Variants in PTPN14 observed in about 807,000 individuals in gnomAD.
The protein encoded by PTPN14 is protein tyrosine phosphatase non-receptor type 14, also known as tyrosine-protein phosphatase non-receptor type 14.
In PTPN14, 53 loss-of-function variants were observed where a neutral mutation model predicts 126.8. That is an observed-to-expected ratio of 0.42 (90% CI 0.34 to 0.53). PTPN14 has a LOEUF of 0.53. Ranked by LOEUF, PTPN14 falls within the 20% of genes least tolerant of loss-of-function variation. PTPN14 has a pLI of 0.08. For synonymous variants in PTPN14, 630 were observed against 599.3 expected (o/e 1.05, Z -0.75); for missense variants, 1,257 against 1,552.9 (o/e 0.81, Z 3.20).
intron 1 of PTPN14, among the ~76,000 whole-genome samples, chr1:214,511,005 T>A (rs981723029): frequency 2.0e-5 from 3 of 152,032 alleles, no homozygotes; most frequent in African/African-American, 7.2e-5. Context: ...AGCTCCTGAG[T>A]ATCCGTGACT....
chr1:214,506,454 C>T (rs1654846152), intron 1 of PTPN14, among the ~76,000 whole-genome samples: 1 of 151,926 alleles, frequency 6.6e-6, no homozygotes, highest in African/African-American at 2.4e-5. Context: ...GAGTTCAGGG[C>T]TGCAGTAAGT....
chr1:214,527,593 CCTTT>C lies in PTPN14; in HGVS notation c.-155+23586_-155+23589del, dbSNP rs375241446. Among the ~76,000 whole-genome samples the C allele has an allele frequency of 4.7e-3, 720 of 152,284 alleles. 3 individuals are homozygous for C. The highest frequency in any genetic ancestry group is 0.016 in the African/African-American group (681 of 41,560). ...TTTTAATAATTTCCTATTTAGCATT[CCTTT>C]CTATTAACCAAAAACTTCTATTGAC... is the stretch of plus-strand genomic sequence containing the variant. On this transcript the variant is annotated intron_variant, in intron 1 of 18. Transcript: ENST00000366956.
chr1:214,437,709 C>T (rs991885356), intron 3 of PTPN14, among the ~76,000 whole-genome samples: 2 of 152,186 alleles, frequency 1.3e-5, no homozygotes, highest in Non-Finnish European at 2.9e-5. Flanking sequence ...AATAAGACCA[C>T]GCCATCTATT....
chr1:214,521,879 A>G (rs552332807), intron 1 of PTPN14, among the ~76,000 whole-genome samples: 1 of 151,030 alleles, frequency 6.6e-6, no homozygotes. Flanking sequence ...ACCATGTTTC[A>G]TAAGATTTTT....
intron 1 of PTPN14, chr1:214,529,543 T>C (rs1434041319): frequency 6.6e-6 from 1 of 152,228 alleles, no homozygotes. Context: ...AATTAACAGT[T>C]TTGGCTACCA....
intron 15 of PTPN14, among the ~76,000 whole-genome samples, chr1:214,375,955 G>C (rs905396314): frequency 6.6e-6 from 1 of 152,148 alleles, no homozygotes; most frequent in African/African-American, 2.4e-5. Flanking sequence ...CAGAGAGAAG[G>C]AAAAGTTAAA....
chr1:214,393,070 C>T (rs986055586), intron 10 of PTPN14, among the ~76,000 whole-genome samples: 9 of 152,180 alleles, frequency 5.9e-5, no homozygotes, highest in African/African-American at 1.7e-4. Flanking sequence ...AGCCCCAGCA[C>T]GCTCCATCTG....
Position 214,403,275 on chromosome 1 carries a change from T to C in PTPN14, c.511-322A>G, listed in dbSNP as rs575092682. Among the ~76,000 whole-genome samples, 9 of 152,344 alleles carry C rather than the reference T, an allele frequency of 5.9e-5. No individual in the cohort carries two copies. In the South Asian group the frequency reaches 1.7e-3, roughly 28 times the overall value. Reference sequence around the variant, plus strand: ...CAGATGTACGTTTATAAAAAATGCTTTGCGTGTGCTTACATATTTCTAATG... The same window carrying C: ...CAGATGTACGTTTATAAAAAATGCTCTGCGTGTGCTTACATATTTCTAATG... On this transcript the variant is annotated intron_variant, in intron 5 of 18. Transcript: ENST00000366956.
At position 214,379,440 on chromosome 1, in the gene PTPN14, G is replaced by A. The variant is rs151323650; in HGVS notation, c.2545-1338C>T. 7.2e-5 allele frequency among the ~76,000 whole-genome samples: 11 copies of A among 152,290 alleles called. No homozygotes were observed. The East Asian group carries it at 1.9e-3, about 27-fold the overall frequency. ...CAATCAGAATGAAGCCTGTGTGAGT[G>A]ACACTGACAACAGGATGCCTATCCT... On this transcript the variant is annotated intron_variant, in intron 13 of 18. Transcript: ENST00000366956.
At chr1:214,542,770 T>C (rs796970155) in intron 1 of PTPN14, among the ~76,000 whole-genome samples, 29 of 152,290 alleles carry the variant, frequency 1.9e-4, no homozygotes, top group African/African-American at 7.0e-4. Context: ...ACACCTGCAG[T>C]TTGGCATAAC....
At chr1:214,482,885 C>A (rs1661025727) in intron 1 of PTPN14, 4 of 1,591,108 alleles carry the variant, frequency 2.5e-6, no homozygotes, top group African/African-American at 1.3e-5. Flanking sequence ...CAGGAAGATT[C>A]ATATTCTTTA....
chr1:214,386,103 T>G (rs533274386), intron 12 of PTPN14, among the ~76,000 whole-genome samples: 14 of 152,336 alleles, frequency 9.2e-5, no homozygotes, highest in African/African-American at 3.1e-4. Flanking sequence ...TTACCGATTT[T>G]CATATATAAG....
chr1:214,411,573 G>A (rs576831723), intron 5 of PTPN14, 111 bp downstream of exon 5: 16 of 757,220 alleles, frequency 2.1e-5, no homozygotes, highest in African/African-American at 3.7e-5. Flanking sequence ...TAAACCCATC[G>A]ACTTTTTCCC....
Position 214,451,969 on chromosome 1 carries a change from G to A in PTPN14, c.180C>T (p.His60=). ...TGCTGAGAAACCAAAGGCCAAAGTA[G>A]TGCGTCTAGATAAAAGGGTAAAATA... The part of the protein sequence containing the change: ...VAQRLELRET[H]YFGLWFLSKS... The change falls in exon 3 of 19, where the codon CAC becomes CAT. Residue 60 remains histidine, a synonymous_variant. Coordinates refer to ENST00000366956, the MANE Select transcript of PTPN14 (RefSeq NM_005401.5). 1.9e-6 allele frequency: 3 copies of A among 1,613,598 alleles called. No individual in the cohort carries two copies. Among genetic ancestry groups the A allele is most frequent in the Non-Finnish European group, 2.5e-6 (3 of 1,179,746 alleles).
rs771939256 is a variant in PTPN14 at position 214,464,619 on chromosome 1, A to G, written c.174+11T>C. 3 of 1,612,768 alleles carry G rather than the reference A, an allele frequency of 1.9e-6. No individual in the cohort carries two copies. Among genetic ancestry groups the G allele is most frequent in the Non-Finnish European group, 2.5e-6 (3 of 1,179,048 alleles). ...CACGCGCACATGCGCACACAGACAC[A>G]CCCCTCTTACCTCTCGCAGCTCCAG... On this transcript the variant is annotated intron_variant, in intron 2 of 18. Coordinates refer to ENST00000366956, the MANE Select transcript of PTPN14 (RefSeq NM_005401.5).
intron 1 of PTPN14, among the ~76,000 whole-genome samples, chr1:214,478,896 T>C (rs1182583531): frequency 6.6e-6 from 1 of 152,060 alleles, no homozygotes; most frequent in East Asian, 1.9e-4. Context: ...TAAGTAACAA[T>C]AGTCAATTAT....
chr1:214,489,286 T>C (rs1261003115), intron 1 of PTPN14, among the ~76,000 whole-genome samples: 1 of 152,200 alleles, frequency 6.6e-6, no homozygotes, highest in Non-Finnish European at 1.5e-5. Context: ...GGTTGAGATT[T>C]TGCTCAAGGA....
rs570808242 is a variant in PTPN14, at chr1:214,446,512, A to G, written c.344+5293T>C. On this transcript the variant is annotated intron_variant, in intron 3 of 18. Coordinates refer to ENST00000366956, the MANE Select transcript of PTPN14 (RefSeq NM_005401.5). Reference sequence around the variant, plus strand: ...AGTGCCTCCTAATTTTCTAATTTAAACCAATTTGGACTTGATAATTTTAAT... The same window carrying G: ...AGTGCCTCCTAATTTTCTAATTTAAGCCAATTTGGACTTGATAATTTTAAT... Among the ~76,000 whole-genome samples the G allele has an allele frequency of 4.6e-5, 7 of 152,270 alleles. No homozygotes were observed. The South Asian group carries it at 1.2e-3, about 27-fold the overall frequency.
At chr1:214,454,205 G>A (rs748986105) in intron 2 of PTPN14, among the ~76,000 whole-genome samples, 3 of 152,072 alleles carry the variant, frequency 2.0e-5, no homozygotes, top group Non-Finnish European at 4.4e-5. Context: ...GAAACAGAGG[G>A]CAACTTCACA....
Sources: allele counts gnomAD v4.1 joint callset (sites outside exome capture counted in the v4.1 genomes callset), GRCh38; gene constraint gnomAD v4.1.1; transcripts MANE v1.5; gene names NCBI Gene and HGNC (gene_info 2026-07-23, HGNC 2026-07-21).